Variants in GPR107 observed in about 807,000 individuals in gnomAD.
GPR107 encodes the protein protein GPR107.
GPR107 carries 31 observed loss-of-function variants against 75.5 expected under a neutral mutation model. That is an observed-to-expected ratio of 0.41 (90% CI 0.31 to 0.55). GPR107 has a LOEUF of 0.55. Ranked by LOEUF, GPR107 falls within the 20% of genes least tolerant of loss-of-function variation. The pLI is 0.26. For missense variants in GPR107, 572 were observed against 665.7 expected, an observed-to-expected ratio of 0.86 and a Z score of 1.55; for synonymous variants, 267 against 251.3, an observed-to-expected ratio of 1.06 and a Z score of -0.59.
intron 1 of GPR107, among the ~76,000 whole-genome samples, chr9:130,065,174 GGC>G (rs1326255869): frequency 6.6e-6 from 1 of 152,146 alleles, no homozygotes; most frequent in African/African-American, 2.4e-5. Context: ...TTCGCAGCCG[GGC>G]ACGGTGGCTC....
intron 5 of GPR107, among the ~76,000 whole-genome samples, chr9:130,082,160 A>G (rs1281798454): frequency 6.6e-6 from 1 of 152,172 alleles, no homozygotes; most frequent in East Asian, 1.9e-4. Flanking sequence ...CATGAGGGAT[A>G]TGTCCTCATG....
rs779051919 is a variant in GPR107, at chr9:130,107,551, C to G, written c.1306+12C>G. On this transcript the variant is annotated intron_variant, in intron 14 of 17. Coordinates refer to ENST00000347136, the MANE Select transcript of GPR107 (RefSeq NM_020960.5). ...AACAGATGGAAAAGGCAAGTTCTCT[C>G]GTGCTCATTTTGTGTTGCTCAGCTT... is the stretch of plus-strand genomic sequence containing the variant. 6.4e-7 allele frequency: 1 copy of G among 1,563,838 alleles called. No homozygotes were observed.
Position 130,079,755 on chromosome 9 carries a change from C to G in GPR107, c.512C>G (p.Thr171Ser), listed in dbSNP as rs1830448323. The change falls in exon 5 of 18, where the codon ACC (threonine) becomes AGC (serine). Residue 171 changes from threonine to serine, a missense_variant. Coordinates refer to ENST00000347136, the MANE Select transcript of GPR107 (RefSeq NM_020960.5). Reference protein sequence around the residue: ...NVNPASAGNQTQKTQDGGKSK... With the variant: ...NVNPASAGNQSQKTQDGGKSK... ...AACCCTGCTTCAGCAGGCAACCAGA[C>G]CCAGAAGACACAAGGTAAACCGTAA... The G allele has an allele frequency of 1.2e-6, 2 of 1,610,554 alleles. No homozygotes were observed. The highest frequency in any genetic ancestry group is 2.7e-5 in the African/African-American group (2 of 74,804).
chr9:130,121,552 C>G (rs1831547339), intron 14 of GPR107, among the ~76,000 whole-genome samples: 1 of 152,202 alleles, frequency 6.6e-6, no homozygotes, highest in Non-Finnish European at 1.5e-5. Flanking sequence ...AGGCTCTCCA[C>G]AGTCCAGCCG....
chr9:130,131,363 C>G (rs1392938206), intron 17 of GPR107, among the ~76,000 whole-genome samples: 4 of 152,074 alleles, frequency 2.6e-5, no homozygotes, highest in African/African-American at 9.7e-5. Context: ...TAGCGCCTAC[C>G]CCACCCTGGG....
At chr9:130,077,270 T>C in intron 3 of GPR107, 29 bp from the exon 4 acceptor site, 1 of 1,095,516 alleles carries the variant, frequency 9.1e-7, no homozygotes, top group South Asian at 1.2e-5. Flanking sequence ...ATGAATAAGA[T>C]GATGTACAAT....
At chr9:130,076,356 G>T in intron 2 of GPR107, 56 bp from the exon 3 acceptor site, 1 of 1,083,254 alleles carries the variant, frequency 9.2e-7, no homozygotes, top group Non-Finnish European at 1.4e-6. Context: ...TTTTGAGTAA[G>T]AAAAGTATGG....
At position 130,104,691 on chromosome 9, in the gene GPR107, A is replaced by G. The variant is rs576832665; in HGVS notation, c.1262+141A>G. ...CTTTCTGAGTCCCAGACTGACCTGA[A>G]TCAGCCTCCAGGGGCAGAACCCTGT... On this transcript the variant is annotated intron_variant, in intron 13 of 17. Coordinates refer to ENST00000347136, the MANE Select transcript of GPR107 (RefSeq NM_020960.5). 8.7e-6 allele frequency: 6 copies of G among 686,768 alleles called. No individual in the cohort carries two copies. The African/African-American group carries it at 8.9e-5, about 10-fold the overall frequency. 42.5% of individuals were successfully genotyped at this position (686,768 alleles called of 1,614,324 possible). A position where few individuals can be genotyped will look rare whatever the true frequency, so the allele number is the denominator to read the frequency against.
intron 17 of GPR107, 141 bp from the exon 18 acceptor site, chr9:130,134,884 C>T (rs777022255): frequency 1.5e-5 from 10 of 661,268 alleles, no homozygotes; most frequent in African/African-American, 1.1e-4. Context: ...TAGTAAGGAA[C>T]GAACCAGGAA....
intron 1 of GPR107, among the ~76,000 whole-genome samples, chr9:130,059,559 CT>C (rs2132531706): frequency 6.6e-6 from 1 of 152,130 alleles, no homozygotes; most frequent in East Asian, 1.9e-4. Context: ...TTGATATTAC[CT>C]GTAAAAAATA....
At chr9:130,132,817 A>T (rs371457132) in intron 17 of GPR107, among the ~76,000 whole-genome samples, 27 of 104,150 alleles carry the variant, frequency 2.6e-4, no homozygotes, top group African/African-American at 4.5e-4. Flanking sequence ...ATATATATAT[A>T]TTTTTATATA....
chr9:130,122,552 T>G (rs1346870647), intron 14 of GPR107, among the ~76,000 whole-genome samples: 1 of 152,188 alleles, frequency 6.6e-6, no homozygotes, highest in Non-Finnish European at 1.5e-5. Flanking sequence ...CGCACACCGG[T>G]CAGCAGTGGC....
chr9:130,123,951 GTGAGACTTTC>G (rs918934569), intron 14 of GPR107, among the ~76,000 whole-genome samples: 1 of 152,234 alleles, frequency 6.6e-6, no homozygotes, highest in Non-Finnish European at 1.5e-5. Flanking sequence ...CCTCTCAACT[GTGAGACTTTC>G]TGAGTGTCCC....
At chr9:130,099,263 C>G (rs574432970) in intron 9 of GPR107, among the ~76,000 whole-genome samples, 194 bp from the exon 10 acceptor site, 3 of 151,556 alleles carry the variant, frequency 2.0e-5, no homozygotes, top group Non-Finnish European at 4.4e-5. Context: ...TGCAGTGAGC[C>G]GTGATGACAC....
Position 130,076,424 on chromosome 9 carries a change from C to T in GPR107, c.268C>T (p.Leu90=). The change falls in exon 3 of 18, where the codon CTA becomes TTA. Residue 90 remains leucine, a synonymous_variant. Coordinates refer to ENST00000347136, the MANE Select transcript of GPR107 (RefSeq NM_020960.5). ...EDKDVTIGFS[L]DRTKNDGFSS... ...TACTCCCCATTAGATTGGATTTAGC[C>T]TAGACCGTACAAAGAATGATGGCTT... The T allele has an allele frequency of 6.4e-7, 1 of 1,569,132 alleles. No homozygotes were observed. Among genetic ancestry groups the T allele is most frequent in the Non-Finnish European group, 8.8e-7 (1 of 1,138,990 alleles).
Position 130,079,777 on chromosome 9 carries a change from G to A in GPR107, c.526+8G>A, listed in dbSNP as rs766954570. On this transcript the variant is annotated splice_region_variant and intron_variant, in intron 5 of 17. Transcript: ENST00000347136. ...AGACCCAGAAGACACAAGGTAAACC[G>A]TAAGGTGGAAACTGGCTTTCAGTTT... The A allele has an allele frequency of 3.5e-5, 55 of 1,582,474 alleles. No individual in the cohort carries two copies. The Admixed American group carries it at 5.2e-4, about 15-fold the overall frequency.
intron 17 of GPR107, among the ~76,000 whole-genome samples, chr9:130,133,403 G>C (rs1197926527): frequency 2.0e-5 from 3 of 152,208 alleles, no homozygotes; most frequent in Non-Finnish European, 2.9e-5. Flanking sequence ...AGTAACCATA[G>C]GACAGCTGTG....
chr9:130,099,383 C>G, intron 9 of GPR107, 74 bp from the exon 10 acceptor site: 5 of 823,290 alleles, frequency 6.1e-6, no homozygotes. Flanking sequence ...ATAAATATAG[C>G]TAATGTCTGG....
intron 5 of GPR107, among the ~76,000 whole-genome samples, chr9:130,080,545 A>G (rs796855963): frequency 3.8e-4 from 57 of 151,778 alleles, no homozygotes; most frequent in African/African-American, 1.4e-3. Context: ...AGGCTGGAGT[A>G]CAGTGGCGCA....
Sources: gnomAD v4.1 joint callset for allele counts (sites outside exome capture counted in the v4.1 genomes callset) on GRCh38, gnomAD v4.1.1 for gene constraint, MANE v1.5 for transcripts, NCBI Gene and HGNC (gene_info 2026-07-23, HGNC 2026-07-21) for gene names.